Variants in PLXNA4 observed in about 807,000 individuals in gnomAD.
PLXNA4 encodes the protein plexin A4.
PLXNA4 carries 44 observed loss-of-function variants against 191.8 expected under a neutral mutation model. That is an observed-to-expected ratio of 0.23 (90% CI 0.18 to 0.29). The LOEUF (loss-of-function observed/expected upper bound fraction) is 0.29. Among genes scored for constraint, PLXNA4 ranks in the 10% least tolerant of loss-of-function variants. The pLI is 1.00. For synonymous variants in PLXNA4, 1,082 were observed against 1,009.5 expected (o/e 1.07, Z -1.36); for missense variants, 1,800 against 2,488.8 (o/e 0.72, Z 5.89).
intron 4 of PLXNA4, among the ~76,000 whole-genome samples, chr7:132,274,024 A>G (rs1800178530): frequency 6.6e-6 from 1 of 152,044 alleles, no homozygotes; most frequent in African/African-American, 2.4e-5. Flanking sequence ...AGGGGGCAAC[A>G]ACATGGATAA....
At chr7:132,331,993 T>C (rs1802606808) in intron 3 of PLXNA4, among the ~76,000 whole-genome samples, 1 of 152,214 alleles carries the variant, frequency 6.6e-6, no homozygotes, top group Non-Finnish European at 1.5e-5. Flanking sequence ...TGAACTTTCA[T>C]GGACAATGTG....
chr7:132,431,918 C>A (rs1367516324), intron 3 of PLXNA4, among the ~76,000 whole-genome samples: 2 of 152,180 alleles, frequency 1.3e-5, no homozygotes, highest in African/African-American at 4.8e-5. Context: ...AGGACCTCGC[C>A]TCTCATAATC....
chr7:132,507,429 A>G (rs1798510123), intron 2 of PLXNA4, 77 bp downstream of exon 2: 1 of 1,459,444 alleles, frequency 6.9e-7, no homozygotes, highest in African/African-American at 1.4e-5. Flanking sequence ...GATGATACAC[A>G]TCCCATGGGG....
rs1292839972 is a variant in PLXNA4, at chr7:132,168,537, G to A, written c.4053C>T (p.Gly1351=). The change falls in exon 22 of 32, where the codon GGC becomes GGT. Residue 1351 remains glycine (G), a synonymous_variant. Transcript: ENST00000321063. The part of the protein sequence containing the change: ...PGYRQERVEK[G]LKLFAQLINN... The stretch of plus-strand genomic sequence containing the variant: ...TGATGAGCTGGGCGAAGAGCTTCAG[G>A]CCTTTCTCCACACGCTCCTGCCGGT... 2 of 1,605,280 alleles carry A rather than the reference G, an allele frequency of 1.2e-6. No homozygotes were observed. Among genetic ancestry groups the A allele is most frequent in the Non-Finnish European group, 1.7e-6 (2 of 1,174,816 alleles).
At chr7:132,324,993 G>C (rs1802305039) in intron 3 of PLXNA4, among the ~76,000 whole-genome samples, 1 of 152,174 alleles carries the variant, frequency 6.6e-6, no homozygotes, top group African/African-American at 2.4e-5. Flanking sequence ...CTCTTCTCCA[G>C]ATGGAATTTT....
At chr7:132,211,525 C>A (rs1258371992) in intron 9 of PLXNA4, among the ~76,000 whole-genome samples, 1 of 152,236 alleles carries the variant, frequency 6.6e-6, no homozygotes, top group East Asian at 1.9e-4. Context: ...AAGTTCCAGG[C>A]TGTCAAGAAT....
At position 132,203,244 on chromosome 7, in the gene PLXNA4, C is replaced by A. The variant is rs189185841; in HGVS notation, c.2395+79G>T. ...GGAGGCGGGGGCAGAATGACTCCCG[C>A]GAGAATGCAGGACGGCTCCTTCCCT... On this transcript the variant is annotated intron_variant, in intron 11 of 31. Transcript: ENST00000321063. 21 of 1,352,736 alleles carry A rather than the reference C, an allele frequency of 1.6e-5. No homozygotes were observed. The East Asian group carries it at 3.7e-4, about 24-fold the overall frequency. 83.8% of individuals were successfully genotyped at this position (1,352,736 alleles called of 1,614,324 possible). A position where few individuals can be genotyped will look rare whatever the true frequency, so the allele number is the denominator to read the frequency against.
At chr7:132,233,283 A>G (rs187628969) in intron 5 of PLXNA4, among the ~76,000 whole-genome samples, 1 of 152,326 alleles carries the variant, frequency 6.6e-6, no homozygotes, top group Non-Finnish European at 1.5e-5. Context: ...GAATGACCAC[A>G]GTAATGGATA....
intron 2 of PLXNA4, among the ~76,000 whole-genome samples, chr7:132,640,759 T>C (rs1384281767): frequency 1.4e-5 from 2 of 140,348 alleles, no homozygotes; most frequent in African/African-American, 2.8e-5. Context: ...TGACACACCA[T>C]TGTCTTATGT....
At chr7:132,624,676 TG>T (rs1223495270) in intron 2 of PLXNA4, among the ~76,000 whole-genome samples, 2 of 152,192 alleles carry the variant, frequency 1.3e-5, no homozygotes, top group Non-Finnish European at 2.9e-5. Flanking sequence ...GTCATGAACT[TG>T]GTCCATATAA....
chr7:132,311,193 T>TGC (rs1554411082), intron 3 of PLXNA4, among the ~76,000 whole-genome samples: 67 of 89,908 alleles, frequency 7.5e-4, no homozygotes, highest in African/African-American at 2.2e-3. Flanking sequence ...TGTGTGTGTG[T>TGC]GCGCGTGTGG....
intron 2 of PLXNA4, among the ~76,000 whole-genome samples, chr7:132,645,540 A>T (rs567579594): frequency 2.0e-5 from 3 of 152,354 alleles, no homozygotes; most frequent in South Asian, 4.1e-4. Flanking sequence ...GTTTCTTTAT[A>T]GCAGTGTGAA....
rs529438642 is a variant in PLXNA4, at chr7:132,513,513, C to T, written c.-86-4734G>A. On this transcript the variant is annotated intron_variant, in intron 1 of 31. Coordinates refer to ENST00000321063, the MANE Select transcript of PLXNA4 (RefSeq NM_020911.2). ...CTCACTCAGTTATTCACAATATATT[C>T]CCTGGCCCCTTGGACAGAGTCCTGG... Among the ~76,000 whole-genome samples, 7 of 152,312 alleles carry T rather than the reference C, an allele frequency of 4.6e-5. No homozygotes were observed. The South Asian group carries it at 1.4e-3, about 32-fold the overall frequency.
chr7:132,566,406 C>T (rs1009764896), intron 1 of PLXNA4, among the ~76,000 whole-genome samples: 6 of 152,144 alleles, frequency 3.9e-5, no homozygotes, highest in Non-Finnish European at 7.3e-5. Context: ...GGTCACTACC[C>T]AGTGGTGGAA....
intron 3 of PLXNA4, among the ~76,000 whole-genome samples, chr7:132,383,258 T>C (rs1321096265): frequency 6.6e-6 from 1 of 152,104 alleles, no homozygotes; most frequent in Non-Finnish European, 1.5e-5. Context: ...GCTGAGTTAA[T>C]TAGCTGGCTG....
intron 1 of PLXNA4, among the ~76,000 whole-genome samples, chr7:132,550,893 C>T (rs1364033566): frequency 6.6e-6 from 1 of 152,202 alleles, no homozygotes; most frequent in East Asian, 1.9e-4. Flanking sequence ...CCATGCTGTC[C>T]CATAGACACT....
chr7:132,550,443 AC>A (rs1800511087), intron 1 of PLXNA4, among the ~76,000 whole-genome samples: 1 of 152,154 alleles, frequency 6.6e-6, no homozygotes, highest in Non-Finnish European at 1.5e-5. Context: ...CTGGGGAAGG[AC>A]CTCTTCCAGG....
At chr7:132,324,376 C>T (rs1269223340) in intron 3 of PLXNA4, among the ~76,000 whole-genome samples, 2 of 152,152 alleles carry the variant, frequency 1.3e-5, no homozygotes, top group East Asian at 3.9e-4. Flanking sequence ...TGTTTCAGTT[C>T]ATTTTCCCCC....
Position 132,508,714 on chromosome 7 carries a change from G to A in PLXNA4, c.-21C>T, listed in dbSNP as rs374285381. 3.0e-5 allele frequency: 45 copies of A among 1,481,932 alleles called. No homozygotes were observed. The highest frequency in any genetic ancestry group is 1.6e-4 in the Admixed American group (7 of 44,618). The allele number at this position is 1,481,932 out of a possible 1,614,324, so 91.8% of individuals were successfully genotyped here. On this transcript the variant is annotated 5_prime_UTR_variant, in exon 2 of 32. Transcript: ENST00000321063. This position sits in a 1 kb window ranked among gnomAD's most constrained non-coding sequence, Gnocchi z 4.4. ...TTCATGGCAGAGGCGGGTCCCAGTG[G>A]CACAGCAGCACTCAGGCACAGTCGT...
Sources: allele counts gnomAD v4.1 joint callset (sites outside exome capture counted in the v4.1 genomes callset), GRCh38; gene constraint gnomAD v4.1.1; non-coding constraint Gnocchi (gnomAD v3.1); transcripts MANE v1.5; gene names NCBI Gene and HGNC (gene_info 2026-07-23, HGNC 2026-07-21).